The following CFAP46 variants were observed in gnomAD, a reference collection of about 807,000 sequenced individuals.
CFAP46 encodes cilia and flagella associated protein 46, also known as cilia- and flagella-associated protein 46.
A neutral mutation model predicts 325.7 loss-of-function variants in CFAP46; 245 were observed. That is an observed-to-expected ratio of 0.75 (90% CI 0.68 to 0.84). CFAP46 has a LOEUF of 0.84. Ranked by LOEUF, CFAP46 falls within the 40% of genes least tolerant of loss-of-function variation. The pLI, the probability that CFAP46 is intolerant of heterozygous loss-of-function variation, is 0.00. For missense variants in CFAP46, 3,346 were observed against 3,543.0 expected (o/e 0.94, Z 1.41); for synonymous variants, 1,523 against 1,495.9 (o/e 1.02, Z -0.42).
intron 2 of CFAP46, 69 bp from the exon 3 acceptor site, chr10:132,941,791 G>A: frequency 5.6e-6 from 9 of 1,601,524 alleles, no homozygotes; most frequent in Admixed American, 1.7e-5. Context: ...GAAGCACCAC[G>A]GGCCCGCTTT....
intron 25 of CFAP46, among the ~76,000 whole-genome samples, chr10:132,891,943 C>T (rs935091381): frequency 6.6e-6 from 1 of 152,218 alleles, no homozygotes; most frequent in Non-Finnish European, 1.5e-5. Flanking sequence ...AACTCCTGTT[C>T]CCCTAAAATG....
intron 7 of CFAP46, among the ~76,000 whole-genome samples, chr10:132,936,545 A>G (rs370151031): frequency 5.8e-4 from 23 of 39,340 alleles, no homozygotes; most frequent in Middle Eastern, 0.024. Flanking sequence ...CACTCCCCTC[A>G]GCCCCCAAAT....
intron 23 of CFAP46, 94 bp from the exon 24 acceptor site, chr10:132,899,215 C>T: frequency 7.5e-7 from 1 of 1,339,504 alleles, no homozygotes; most frequent in Non-Finnish European, 1.0e-6. Flanking sequence ...GCCCAGGGCC[C>T]AGCCACACGC....
At chr10:132,903,301 GCA>G in intron 22 of CFAP46, among the ~76,000 whole-genome samples, 1 of 152,324 alleles carries the variant, frequency 6.6e-6, no homozygotes, top group Middle Eastern at 3.4e-3. Flanking sequence ...CTAGTCCTGT[GCA>G]CACACAGTTT....
chr10:132,843,526 G>T (rs1343730547), intron 44 of CFAP46, among the ~76,000 whole-genome samples: 1 of 140,592 alleles, frequency 7.1e-6, no homozygotes, highest in Non-Finnish European at 1.5e-5. Context: ...GGCGTTCCCA[G>T]GGTGCTGTAA....
rs1422694141 is a variant in CFAP46 at position 132,888,713 on chromosome 10, C to G, written c.3305-2754G>C. Among the ~76,000 whole-genome samples, 9 of 122,922 alleles carry G rather than the reference C, an allele frequency of 7.3e-5. 1 individual carries two copies. Among genetic ancestry groups the G allele is most frequent in the Admixed American group, 1.5e-4 (2 of 13,108 alleles). 80.6% of individuals were successfully genotyped at this position (122,922 alleles called of 152,430 possible). A position where few individuals can be genotyped will look rare whatever the true frequency, so the allele number is the denominator to read the frequency against. On this transcript the variant is annotated intron_variant, in intron 25 of 57. Transcript: ENST00000368586. ...GCCACCTTCACCCCTGCCGCCTGCA[C>G]CCCTGCCGCCTGCACCTGCCACCTT...
At chr10:132,908,211 G>C in intron 22 of CFAP46, 1 of 523,488 alleles carries the variant, frequency 1.9e-6, no homozygotes, top group East Asian at 3.4e-5. Context: ...TTCTGGACTG[G>C]GCCTGGAGAC....
In CFAP46 at chr10:132,847,187, C is replaced by T. The variant is rs1416193344; in HGVS notation, c.6087G>A (p.Lys2029=). 2 of 1,611,352 alleles carry T rather than the reference C, an allele frequency of 1.2e-6. No homozygotes were observed. Among genetic ancestry groups the T allele is most frequent in the Admixed American group, 1.7e-5 (1 of 59,978 alleles). Residue 2029 remains lysine (K), a splice_region_variant and synonymous_variant, in exon 42 of 58, where the codon AAG becomes AAA. Coordinates refer to ENST00000368586, the MANE Select transcript of CFAP46 (RefSeq NM_001200049.3). This position sits in a 1 kb window ranked among gnomAD's most constrained non-coding sequence, Gnocchi z 5.2. ...CGAGGGGCAGGAGGGGCAGCCGCACCTTCAGGTCCTCGCCTCTCCTGCAGT... is the reference window on the plus strand; with the variant it reads ...CGAGGGGCAGGAGGGGCAGCCGCACTTTCAGGTCCTCGCCTCTCCTGCAGT... ...EEHCRRGEDL[K]RRMVLAQQYL...
rs561210236 is a variant in CFAP46, at chr10:132,885,391, C to T, written c.3444-105G>A. ...TTCCTCCACCTCCAGCTTAAAAAGA[C>T]GAAGCAAAGCAGAGCCCAGGTGAGC... On this transcript the variant is annotated intron_variant, in intron 26 of 57. Coordinates refer to ENST00000368586, the MANE Select transcript of CFAP46 (RefSeq NM_001200049.3). 4.7e-5 allele frequency: 57 copies of T among 1,213,108 alleles called. No homozygotes were observed. In the East Asian group the frequency reaches 6.0e-4, roughly 13 times the overall value. The allele number at this position is 1,213,108 out of a possible 1,614,324, so 75.1% of individuals were successfully genotyped here. A position where few individuals can be genotyped will look rare whatever the true frequency, so the allele number is the denominator to read the frequency against.
chr10:132,897,419 T>C (rs1288708699), intron 24 of CFAP46, among the ~76,000 whole-genome samples: 1 of 152,252 alleles, frequency 6.6e-6, no homozygotes, highest in Non-Finnish European at 1.5e-5. Context: ...CTCCGTCTGC[T>C]ACGGCCCTCA....
At chr10:132,837,842 GAC>G (rs544854155) in intron 44 of CFAP46, among the ~76,000 whole-genome samples, 2,205 of 123,612 alleles carry the variant, frequency 0.018, 31 homozygotes, top group Middle Eastern at 0.063. Context: ...GACATGCACG[GAC>G]ACACACGCAC....
intron 54 of CFAP46, 145 bp downstream of exon 54, chr10:132,814,007 A>G: frequency 1.5e-6 from 1 of 653,244 alleles, no homozygotes; most frequent in Non-Finnish European, 2.7e-6. Context: ...GGATTCAAGG[A>G]GCTGGGTCTG....
intron 46 of CFAP46, 41 bp from the exon 47 acceptor site, chr10:132,835,475 T>A (rs1255184969): frequency 6.2e-7 from 1 of 1,611,348 alleles, no homozygotes; most frequent in Non-Finnish European, 8.5e-7. Flanking sequence ...TGCCCAGGGC[T>A]GAGGATGGCA....
intron 35 of CFAP46, among the ~76,000 whole-genome samples, chr10:132,864,639 C>A (rs1422264213): frequency 1.4e-5 from 2 of 139,404 alleles, no homozygotes; most frequent in East Asian, 2.4e-4. Flanking sequence ...CACCTGTCCC[C>A]CTGCCTGAGA....
intron 25 of CFAP46, among the ~76,000 whole-genome samples, chr10:132,887,523 TC>T (rs1564790663): frequency 1.4e-4 from 14 of 96,770 alleles, no homozygotes; most frequent in Non-Finnish European, 2.9e-4. Flanking sequence ...CTCTCTCCTC[TC>T]CTCTCTCCTC....
rs577235262 is a variant in CFAP46 at position 132,886,440 on chromosome 10, C to G, written c.3305-481G>C. ...GCAGGCAGCGGAGCCATGTGACACG[C>G]AGAGGCAAAGGTGCCTGCCTTCAGG... On this transcript the variant is annotated intron_variant, in intron 25 of 57. Transcript: ENST00000368586. This position sits in a 1 kb window ranked among gnomAD's most constrained non-coding sequence, Gnocchi z 5.8. 6.6e-6 allele frequency among the ~76,000 whole-genome samples: 1 copy of G among 152,326 alleles called. No homozygotes were observed. The highest frequency in any genetic ancestry group is 2.4e-5 in the African/African-American group (1 of 41,582).
chr10:132,810,890 C>T lies in CFAP46; in HGVS notation c.7583+60G>A, dbSNP rs181056107. On this transcript the variant is annotated intron_variant, in intron 56 of 57. Transcript: ENST00000368586. ...CCTCCTCCCTTGTGGGTCCCACGCC[C>T]GTCTGTCTGACCTCTCCATCCTCAG... The T allele has an allele frequency of 2.4e-4, 351 of 1,478,972 alleles. 1 individual carries two copies. In the African/African-American group the frequency reaches 4.2e-3, roughly 18 times the overall value. 91.6% of individuals were successfully genotyped at this position (1,478,972 alleles called of 1,614,324 possible).
intron 27 of CFAP46, 91 bp from the exon 28 acceptor site, chr10:132,881,123 A>G: frequency 8.0e-7 from 1 of 1,253,528 alleles, no homozygotes; most frequent in East Asian, 2.5e-5. Context: ...CATTTTCTAC[A>G]AGAAAAGCTT....
chr10:132,906,516 A>T (rs4994080), intron 22 of CFAP46, among the ~76,000 whole-genome samples: 1 of 80,924 alleles, frequency 1.2e-5, no homozygotes, highest in Non-Finnish European at 2.5e-5. Flanking sequence ...GTGATGCCCC[A>T]TCCTGGGCAC....
Sources: allele counts gnomAD v4.1 joint callset (sites outside exome capture counted in the v4.1 genomes callset), GRCh38; gene constraint gnomAD v4.1.1; non-coding constraint Gnocchi (gnomAD v3.1); transcripts MANE v1.5; gene names NCBI Gene and HGNC (gene_info 2026-07-23, HGNC 2026-07-21).